FHIP1A: variants seen among roughly 807,000 people sequenced by gnomAD.
FHIP1A encodes FHF complex subunit HOOK interacting protein 1A.
Under a neutral mutation model 88.6 loss-of-function variants are expected in FHIP1A, and 61 were observed. The ratio of observed to expected loss-of-function variants is 0.69; its 90% confidence interval spans 0.56 to 0.85. FHIP1A has a LOEUF of 0.85. Among genes scored for constraint, FHIP1A ranks in the 40% least tolerant of loss-of-function variants. FHIP1A has a pLI of 0.00. For synonymous variants in FHIP1A, 478 were observed against 496.0 expected, an observed-to-expected ratio of 0.96 and a Z score of 0.48; for missense variants, 1,154 against 1,273.5, an observed-to-expected ratio of 0.91 and a Z score of 1.43.
At chr4:151,526,587 G>A (rs1280953088) in intron 3 of FHIP1A, among the ~76,000 whole-genome samples, 2 of 145,064 alleles carry the variant, frequency 1.4e-5, no homozygotes, top group African/African-American at 5.2e-5. Context: ...TCACCTCCCG[G>A]ACGGGGCGGC....
chr4:151,603,846 A>G lies in FHIP1A; in HGVS notation c.978+14920A>G, dbSNP rs185944499. ...GTCTGTTTTTTTGTTTCTTCTCCCAATAGTGTCACTCTGGGTCTTCATCTC... is the reference window on the plus strand; with the variant it reads ...GTCTGTTTTTTTGTTTCTTCTCCCAGTAGTGTCACTCTGGGTCTTCATCTC... On this transcript the variant is annotated intron_variant, in intron 7 of 13. Coordinates refer to ENST00000435205, the MANE Select transcript of FHIP1A (RefSeq NM_001109977.3). 5.7e-3 allele frequency among the ~76,000 whole-genome samples: 865 copies of G among 152,262 alleles called. 5 individuals are homozygous for G. Among genetic ancestry groups the G allele is most frequent in the Non-Finnish European group, 7.1e-3 (483 of 68,020 alleles).
intron 7 of FHIP1A, among the ~76,000 whole-genome samples, chr4:151,604,173 G>A (rs1734980665): frequency 6.6e-6 from 1 of 151,620 alleles, no homozygotes; most frequent in African/African-American, 2.4e-5. Flanking sequence ...TCAAAGACCA[G>A]CCTAAATCCC....
At chr4:151,431,055 A>T (rs1214660363) in intron 1 of FHIP1A, among the ~76,000 whole-genome samples, 3 of 152,220 alleles carry the variant, frequency 2.0e-5, no homozygotes, top group African/African-American at 7.2e-5. Context: ...AGCAATAATA[A>T]GATTTGTGAG....
intron 2 of FHIP1A, among the ~76,000 whole-genome samples, chr4:151,464,382 GT>G (rs748371617): frequency 1.3e-4 from 20 of 152,266 alleles, no homozygotes; most frequent in Non-Finnish European, 2.4e-4. Flanking sequence ...TGAACTTCTG[GT>G]TTAGAGAGGA....
rs1736809577 is a variant in FHIP1A at position 151,646,702 on chromosome 4, A to G, written c.1371A>G (p.Gln457=). 1.3e-6 allele frequency: 2 copies of G among 1,551,490 alleles called. No individual in the cohort carries two copies. Among genetic ancestry groups the G allele is most frequent in the South Asian group, 2.4e-5 (2 of 84,056 alleles). ...GGATCACTCTGACGCTGGGGAACCA[A>G]GAGAGGGATTATATTCTCTGGTCAA... The part of the protein sequence containing the change: ...SSGITLTLGN[Q]ERDYILWSKC... The change falls in exon 10 of 14, where the codon CAA becomes CAG. Residue 457 remains glutamine, a synonymous_variant. Transcript: ENST00000435205.
rs372615502 is a variant in FHIP1A at position 151,476,628 on chromosome 4, T to C, written c.-247-5896T>C. 2.0e-5 allele frequency among the ~76,000 whole-genome samples: 3 copies of C among 152,280 alleles called. No individual in the cohort carries two copies. The East Asian group carries it at 5.8e-4, about 29-fold the overall frequency. ...TATTTTCACTAATTGTTAATGGTAT[T>C]TGGAATCATAAACCAGTGCTGCTGG... On this transcript the variant is annotated intron_variant, in intron 2 of 13. Coordinates refer to ENST00000435205, the MANE Select transcript of FHIP1A (RefSeq NM_001109977.3).
rs1196734732 is a variant in FHIP1A at position 151,650,234 on chromosome 4, T to A, written c.2193T>A (p.Pro731=). The A allele has an allele frequency of 6.4e-7, 1 of 1,551,588 alleles. No homozygotes were observed. Among genetic ancestry groups the A allele is most frequent in the African/African-American group, 1.4e-5 (1 of 73,054 alleles). The change falls in exon 11 of 14, where the codon CCT becomes CCA. Residue 731 remains proline (P), a synonymous_variant. Transcript: ENST00000435205. ...AATCCAACTCAGAGTTAGCATCCCC[T>A]GCCCCTGAGGCAGAGCACAGCTCTA... ...APESNSELAS[P]APEAEHSSNL... is the part of the protein sequence containing the mutation.
intron 1 of FHIP1A, among the ~76,000 whole-genome samples, chr4:151,432,901 T>C (rs1296674049): frequency 6.6e-6 from 1 of 152,120 alleles, no homozygotes; most frequent in Non-Finnish European, 1.5e-5. Context: ...AGTGCTTACT[T>C]TTTGCTGAGA....
chr4:151,491,114 G>A (rs1730266523), intron 3 of FHIP1A, among the ~76,000 whole-genome samples: 1 of 152,142 alleles, frequency 6.6e-6, no homozygotes, highest in Non-Finnish European at 1.5e-5. Flanking sequence ...TAGAGATCTA[G>A]ACATCCAAAT....
intron 3 of FHIP1A, among the ~76,000 whole-genome samples, chr4:151,545,301 A>G (rs919372478): frequency 6.6e-6 from 1 of 151,910 alleles, no homozygotes; most frequent in Admixed American, 6.6e-5. Flanking sequence ...TACATGTTAA[A>G]TTCATATCCA....
intron 1 of FHIP1A, among the ~76,000 whole-genome samples, chr4:151,429,403 A>G (rs770445704): frequency 5.9e-5 from 9 of 152,218 alleles, no homozygotes; most frequent in Non-Finnish European, 1.2e-4. Flanking sequence ...AGACATTGTA[A>G]AAAGTGAAAC....
At position 151,629,793 on chromosome 4, in the gene FHIP1A, G is replaced by A. The variant is rs753203625; in HGVS notation, c.1070G>A (p.Arg357His). The change falls in exon 8 of 14, where the codon CGT (arginine) becomes CAT (histidine). Residue 357 changes from arginine (R) to histidine (H), a missense_variant. Arg to His is a conservative substitution (Grantham distance 29, BLOSUM62 0). Coordinates refer to ENST00000435205, the MANE Select transcript of FHIP1A (RefSeq NM_001109977.3). ...SEPALLEIFL[R>H]FILLHQHENV... ...CCAGCACTACTTGAGATCTTCCTCC[G>A]TTTTATCCTATTGCACCAGCACGAG... 9.2e-5 allele frequency: 143 copies of A among 1,551,278 alleles called. No individual in the cohort carries two copies. The highest frequency in any genetic ancestry group is 1.2e-4 in the Non-Finnish European group (133 of 1,146,820).
intron 1 of FHIP1A, among the ~76,000 whole-genome samples, chr4:151,448,811 T>G (rs1434388110): frequency 6.6e-6 from 1 of 152,190 alleles, no homozygotes; most frequent in Non-Finnish European, 1.5e-5. Context: ...GGGTATGTAT[T>G]TAATACCCAG....
In FHIP1A at chr4:151,443,627, T is replaced by C. The variant is rs559953491; in HGVS notation, c.-355-11074T>C. Among the ~76,000 whole-genome samples, 7 of 151,248 alleles carry C rather than the reference T, an allele frequency of 4.6e-5. No homozygotes were observed. In the East Asian group the frequency reaches 1.4e-3, roughly 30 times the overall value. The stretch of plus-strand genomic sequence containing the variant: ...ATGTGTATGTAGAGCTTTTTTTTTT[T>C]TCCTTCTTTTTCCTCAGTTATCCCT... On this transcript the variant is annotated intron_variant, in intron 1 of 13. Coordinates refer to ENST00000435205, the MANE Select transcript of FHIP1A (RefSeq NM_001109977.3).
Position 151,577,467 on chromosome 4 carries a change from G to C in FHIP1A, c.123G>C (p.Glu41Asp), listed in dbSNP as rs756100387. 1 of 1,533,258 alleles carries C rather than the reference G, an allele frequency of 6.5e-7. No individual in the cohort carries two copies. The highest frequency in any genetic ancestry group is 8.8e-7 in the Non-Finnish European group (1 of 1,135,706). The allele number at this position is 1,533,258 out of a possible 1,614,324, so 95.0% of individuals were successfully genotyped here. ...GGTTACAGGTTGTGAAAATCTTGGA[G>C]AAGCACGACCCCTTGAAGAACACCC... ...NHWAQVVKIL[E>D]KHDPLKNTQA... The change falls in exon 5 of 14, where the codon GAG becomes GAC. Residue 41 changes from glutamate to aspartate, a missense_variant. Glu to Asp is a conservative substitution (Grantham distance 45). Coordinates refer to ENST00000435205, the MANE Select transcript of FHIP1A (RefSeq NM_001109977.3).
intron 3 of FHIP1A, among the ~76,000 whole-genome samples, chr4:151,544,152 G>A (rs971013888): frequency 5.9e-5 from 9 of 152,186 alleles, no homozygotes; most frequent in African/African-American, 2.2e-4. Flanking sequence ...GAGGACACGG[G>A]ACAAAATCAT....
At chr4:151,644,853 G>T (rs1736731537) in intron 9 of FHIP1A, among the ~76,000 whole-genome samples, 1 of 152,050 alleles carries the variant, frequency 6.6e-6, no homozygotes, top group South Asian at 2.1e-4. Context: ...TCTTCTCTGG[G>T]TGCCCACTGG....
At position 151,665,634 on chromosome 4, in the gene FHIP1A, C is replaced by T. The variant is rs557752679; in HGVS notation, c.*2880C>T. Among the ~76,000 whole-genome samples, 9 of 152,142 alleles carry T rather than the reference C, an allele frequency of 5.9e-5. No homozygotes were observed. Among genetic ancestry groups the T allele is most frequent in the East Asian group, 3.9e-4 (2 of 5,180 alleles). ...GGAGAAGAGCAAATCCTGCACGATT[C>T]GGGGGAGTGAACATTGATCTAGGCG... is the stretch of plus-strand genomic sequence containing the variant. On this transcript the variant is annotated 3_prime_UTR_variant, in exon 14 of 14. Coordinates refer to ENST00000435205, the MANE Select transcript of FHIP1A (RefSeq NM_001109977.3).
intron 1 of FHIP1A, among the ~76,000 whole-genome samples, chr4:151,442,480 G>A (rs2724548): frequency 0.04 from 6,095 of 152,146 alleles, 400 homozygotes; most frequent in African/African-American, 0.14. Context: ...CTCCTCTCTT[G>A]TTCTTCCTTT....
Sources: gnomAD v4.1 joint callset for allele counts (sites outside exome capture counted in the v4.1 genomes callset) on GRCh38, gnomAD v4.1.1 for gene constraint, MANE v1.5 for transcripts, NCBI Gene and HGNC (gene_info 2026-07-23, HGNC 2026-07-21) for gene names.